ITGAD: variants seen among roughly 807,000 people sequenced by gnomAD.
ITGAD encodes the protein integrin alpha-D.
Under a neutral mutation model 139.0 loss-of-function variants are expected in ITGAD, and 105 were observed. That is an observed-to-expected ratio of 0.76 (90% confidence interval 0.65 to 0.89). The LOEUF is 0.89. Among genes scored for constraint, ITGAD ranks in the 40% least tolerant of loss-of-function variants. The pLI is 0.00. For synonymous variants in ITGAD, 569 were observed against 598.3 expected (o/e 0.95, Z 0.71); for missense variants, 1,384 against 1,487.3 (o/e 0.93, Z 1.14).
chr16:31,423,717 A>G, intron 26 of ITGAD, 69 bp downstream of exon 26: 2 of 1,538,658 alleles, frequency 1.3e-6, no homozygotes, highest in Non-Finnish European at 1.8e-6. Flanking sequence ...ATGTACTGCT[A>G]GGCCACAGAG....
Position 31,394,404 on chromosome 16 carries a change from G to T in ITGAD, c.137+63G>T, listed in dbSNP as rs1045080927. 8.5e-6 allele frequency: 11 copies of T among 1,294,104 alleles called. No homozygotes were observed. The African/African-American group carries it at 1.2e-4, about 14-fold the overall frequency. 80.2% of individuals were successfully genotyped at this position (1,294,104 alleles called of 1,614,324 possible). A position where few individuals can be genotyped will look rare whatever the true frequency, so the allele number is the denominator to read the frequency against. On this transcript the variant is annotated intron_variant, in intron 2 of 29. Transcript: ENST00000389202. ...CATCAAGTCCTGTGGATGGGTACACGTGGGTTACCCCAGGGAGGTGTCCTG... is the reference window on the plus strand; with the variant it reads ...CATCAAGTCCTGTGGATGGGTACACTTGGGTTACCCCAGGGAGGTGTCCTG...
Position 31,414,945 on chromosome 16 carries a change from T to C in ITGAD, c.2237T>C (p.Leu746Pro), listed in dbSNP as rs778953003. Residue 746 changes from leucine to proline, a missense_variant, in exon 18 of 30, where the codon CTG becomes CCG. Coordinates refer to ENST00000389202, the MANE Select transcript of ITGAD (RefSeq NM_005353.3). ...VREPIPSPQN[L>P]RPVLAVGSQD... ...GAGCCCATCCCCTCCCCCCAGAACCTGCGTCCTGTGCTGGCCGTGGGCTCA... is the reference window on the plus strand; with the variant it reads ...GAGCCCATCCCCTCCCCCCAGAACCCGCGTCCTGTGCTGGCCGTGGGCTCA... 1 of 1,614,136 alleles carries C rather than the reference T, an allele frequency of 6.2e-7. No homozygotes were observed. Among genetic ancestry groups the C allele is most frequent in the South Asian group, 1.1e-5 (1 of 91,078 alleles).
chr16:31,395,813 C>T (rs994184241), intron 2 of ITGAD, among the ~76,000 whole-genome samples: 1 of 151,952 alleles, frequency 6.6e-6, no homozygotes, highest in Non-Finnish European at 1.5e-5. Context: ...GGCAGTGAGC[C>T]CCAGTGGACA....
At chr16:31,394,044 T>C (rs973055805) in intron 1 of ITGAD, among the ~76,000 whole-genome samples, 192 bp from the exon 2 acceptor site, 4 of 147,464 alleles carry the variant, frequency 2.7e-5, no homozygotes, top group African/African-American at 1.0e-4. Flanking sequence ...GGCAAGAGAA[T>C]CGCTTGAACC....
At chr16:31,393,577 G>C (rs957569371) in intron 1 of ITGAD, among the ~76,000 whole-genome samples, 186 bp downstream of exon 1, 2 of 152,108 alleles carry the variant, frequency 1.3e-5, no homozygotes, top group Non-Finnish European at 2.9e-5. Context: ...GGGCTCAGGG[G>C]CTGTGCTCAG....
In ITGAD at chr16:31,426,099, T is replaced by C; in HGVS notation, c.3457T>C (p.Cys1153Arg). Residue 1153 changes from cysteine (C) to arginine (R), a missense_variant, in exon 30 of 30, where the codon TGT becomes CGT. Cys to Arg is a radical substitution (Grantham distance 180). Transcript: ENST00000389202. ...CACATTCAGTGGGGACGATTTCAGCTGTGTGGCCCCAAATGTGCCTTTGTC... is the reference window on the plus strand; with the variant it reads ...CACATTCAGTGGGGACGATTTCAGCCGTGTGGCCCCAAATGTGCCTTTGTC... The part of the protein sequence containing the change: ...TATFSGDDFS[C>R]VAPNVPLS 1 of 1,613,132 alleles carries C rather than the reference T, an allele frequency of 6.2e-7. No homozygotes were observed. Among genetic ancestry groups the C allele is most frequent in the Non-Finnish European group, 8.5e-7 (1 of 1,179,070 alleles).
intron 5 of ITGAD, among the ~76,000 whole-genome samples, chr16:31,400,401 CCTT>C (rs1357569152): frequency 2.0e-5 from 3 of 152,148 alleles, no homozygotes; most frequent in Admixed American, 6.5e-5. Context: ...GGGCCTCACA[CCTT>C]AGTGCTCTGG....
chr16:31,407,457 A>T (rs1446787179), intron 7 of ITGAD, 58 bp from the exon 8 acceptor site: 7 of 1,469,704 alleles, frequency 4.8e-6, no homozygotes, highest in Admixed American at 2.2e-5. Context: ...ACTGCAAATG[A>T]TGTCTTTCCA....
intron 14 of ITGAD, among the ~76,000 whole-genome samples, chr16:31,412,008 T>G (rs2081732053): frequency 6.6e-6 from 1 of 152,060 alleles, no homozygotes. Context: ...TCATGACGGG[T>G]TGGACCCAAA....
In ITGAD at chr16:31,426,067, A is replaced by G; in HGVS notation, c.3425A>G (p.Asp1142Gly). 1 of 1,614,082 alleles carries G rather than the reference A, an allele frequency of 6.2e-7. No individual in the cohort carries two copies. Residue 1142 changes from aspartate (D) to glycine (G), a missense_variant, in exon 30 of 30, where the codon GAC becomes GGC. By Grantham distance (94) the Asp-to-Gly change is moderately conservative. Coordinates refer to ENST00000389202, the MANE Select transcript of ITGAD (RefSeq NM_005353.3). ...GAAATGCTGGAGGACAAGCCTGAAGACACTGCCACATTCAGTGGGGACGAT... is the reference window on the plus strand; with the variant it reads ...GAAATGCTGGAGGACAAGCCTGAAGGCACTGCCACATTCAGTGGGGACGAT... ...YKEMLEDKPEDTATFSGDDFS... is the reference protein window; with the variant it reads ...YKEMLEDKPEGTATFSGDDFS...
chr16:31,418,439 C>T lies in ITGAD; in HGVS notation c.2697-42C>T, dbSNP rs749217853. Reference sequence around the variant, plus strand: ...TCGCATGCCCCGGCTAGAGACCCCTCTCCTGGATTCCTTCCCATTGGTCCC... The same window carrying T: ...TCGCATGCCCCGGCTAGAGACCCCTTTCCTGGATTCCTTCCCATTGGTCCC... On this transcript the variant is annotated intron_variant, in intron 22 of 29. Transcript: ENST00000389202. 7 of 1,608,614 alleles carry T rather than the reference C, an allele frequency of 4.4e-6. No homozygotes were observed. In the Admixed American group the frequency reaches 1.0e-4, roughly 23 times the overall value.
chr16:31,410,573 G>T, intron 11 of ITGAD, 49 bp downstream of exon 11: 1 of 1,611,484 alleles, frequency 6.2e-7, no homozygotes, highest in Non-Finnish European at 8.5e-7. Context: ...CACTGCCCAG[G>T]GTGGGGTCCA....
At chr16:31,423,072 A>G (rs757305881) in intron 23 of ITGAD, 42 bp from the exon 24 acceptor site, 1 of 1,487,566 alleles carries the variant, frequency 6.7e-7, no homozygotes, top group Non-Finnish European at 9.4e-7. Flanking sequence ...ACAACTGGGG[A>G]CAGTTTCAGG....
intron 23 of ITGAD, among the ~76,000 whole-genome samples, 183 bp from the exon 24 acceptor site, chr16:31,422,930 AC>A (rs969962968): frequency 3.9e-5 from 6 of 152,076 alleles, no homozygotes; most frequent in East Asian, 3.9e-4. Flanking sequence ...GGTTCAAGAA[AC>A]CCTCCTGCCC....
intron 7 of ITGAD, among the ~76,000 whole-genome samples, chr16:31,405,222 G>A (rs932444447): frequency 2.0e-5 from 3 of 152,098 alleles, no homozygotes; most frequent in Admixed American, 6.6e-5. Flanking sequence ...CTGACCTCAA[G>A]TGATCTGCCT....
intron 28 of ITGAD, 93 bp from the exon 29 acceptor site, chr16:31,424,374 G>A (rs1218132448): frequency 1.6e-6 from 2 of 1,277,928 alleles, no homozygotes; most frequent in Non-Finnish European, 1.1e-6. Flanking sequence ...TTGGAGCAGA[G>A]CCTCAGAAAG....
chr16:31,421,890 C>T (rs28638273), intron 23 of ITGAD, among the ~76,000 whole-genome samples: 5,509 of 152,144 alleles, frequency 0.036, 318 homozygotes, highest in African/African-American at 0.12. Context: ...GGTCTGGCTG[C>T]TGCATGCGAG....
intron 27 of ITGAD, 45 bp from the exon 28 acceptor site, chr16:31,424,057 C>T: frequency 6.2e-7 from 1 of 1,608,220 alleles, no homozygotes; most frequent in Non-Finnish European, 8.5e-7. Context: ...AGCTCTGAGC[C>T]TCCCCCAGAG....
Position 31,423,432 on chromosome 16 carries a change from G to A in ITGAD, c.2940G>A (p.Trp980Ter). ...TCCTGCTGAACGGGGTGGCTGTGTG[G>A]GATGTGGTCATGGAGGCCCCATCTC... ...VPVLLNGVAV[W>*]DVVMEAPSQS... The change falls in exon 25 of 30, where the codon TGG (tryptophan) becomes TGA (stop). Residue 980 changes from tryptophan to a stop codon, truncating the protein, a stop_gained. Transcript: ENST00000389202. LOFTEE classifies it high-confidence loss of function. The A allele has an allele frequency of 6.2e-7, 1 of 1,614,074 alleles. No homozygotes were observed. Among genetic ancestry groups the A allele is most frequent in the East Asian group, 2.2e-5 (1 of 44,882 alleles).
Sources: allele counts gnomAD v4.1 joint callset (sites outside exome capture counted in the v4.1 genomes callset), GRCh38; gene constraint gnomAD v4.1.1; transcripts MANE v1.5; gene names NCBI Gene and HGNC (gene_info 2026-07-23, HGNC 2026-07-21).